FANCM: variants seen among roughly 807,000 people sequenced by gnomAD.
The protein encoded by FANCM is Fanconi anemia group M protein.
FANCM carries 140 observed loss-of-function variants against 199.5 expected under a neutral mutation model. The observed-to-expected ratio is 0.70, with a 90% CI of 0.61 to 0.81. The LOEUF (loss-of-function observed/expected upper bound fraction) is 0.81. Ranked by LOEUF, FANCM falls within the 30% of genes least tolerant of loss-of-function variation. The probability of loss-of-function intolerance (pLI) is 0.00; values close to 1 mark genes in which losing one functional copy is unlikely to be tolerated. For synonymous variants in FANCM, 840 were observed against 836.8 expected (o/e 1.00, Z -0.07); for missense variants, 2,410 against 2,421.4 (o/e 1.00, Z 0.10).
At chr14:45,138,260 A>T (rs1026918225) in intron 2 of FANCM, among the ~76,000 whole-genome samples, 1 of 152,188 alleles carries the variant, frequency 6.6e-6, no homozygotes, top group African/African-American at 2.4e-5. Flanking sequence ...ATTATAGAGC[A>T]AGAATAAAAG....
chr14:45,164,666 T>A, intron 10 of FANCM, 101 bp downstream of exon 10: 1 of 934,404 alleles, frequency 1.1e-6, no homozygotes, highest in Non-Finnish European at 1.7e-6. Flanking sequence ...AAACACTCTG[T>A]AGATAGTTTT....
chr14:45,191,117 C>G (rs1344180436), intron 20 of FANCM, among the ~76,000 whole-genome samples: 1 of 152,172 alleles, frequency 6.6e-6, no homozygotes, highest in Non-Finnish European at 1.5e-5. Context: ...GGTGTCCTTG[C>G]TTTTTCATAT....
chr14:45,198,438 G>T, intron 21 of FANCM: 1 of 434,478 alleles, frequency 2.3e-6, no homozygotes, highest in South Asian at 4.4e-5. Context: ...TTTCTACGTT[G>T]ATTCCAGCTC....
Position 45,144,312 on chromosome 14 carries a change from AC to A in FANCM, c.759+3609del, listed in dbSNP as rs377108603. ...TACCCATTAATGTAGTGTCCCCTCCACCCCCCTCGCCCACTACCCTTCCCAG... is the reference window on the plus strand; with the variant it reads ...TACCCATTAATGTAGTGTCCCCTCCACCCCCTCGCCCACTACCCTTCCCAG... On this transcript the variant is annotated intron_variant, in intron 3 of 22. Transcript: ENST00000267430. Among the ~76,000 whole-genome samples the A allele has an allele frequency of 3.8e-3, 466 of 123,850 alleles. 8 individuals are homozygous for A. The highest frequency in any genetic ancestry group is 0.014 in the African/African-American group (444 of 31,188). The allele number at this position is 123,850 out of a possible 152,430, so 81.3% of individuals were successfully genotyped here.
chr14:45,166,690 C>T (rs1323891742), intron 10 of FANCM, among the ~76,000 whole-genome samples: 4 of 151,206 alleles, frequency 2.6e-5, no homozygotes, highest in South Asian at 2.1e-4. Context: ...GTGGGAGGAT[C>T]GCTTGAGCCC....
chr14:45,171,464 C>T (rs948502562), intron 12 of FANCM, among the ~76,000 whole-genome samples: 9 of 151,776 alleles, frequency 5.9e-5, no homozygotes, highest in Non-Finnish European at 1.5e-5. Context: ...GTCTTTTATC[C>T]CTTGCCCCAC....
At chr14:45,194,871 G>A (rs1889972434) in intron 20 of FANCM, among the ~76,000 whole-genome samples, 1 of 151,112 alleles carries the variant, frequency 6.6e-6, no homozygotes, top group Non-Finnish European at 1.5e-5. Context: ...GAGTGCAGTG[G>A]CGTGATCTCG....
intron 1 of FANCM, 92 bp downstream of exon 1, chr14:45,136,631 C>A: frequency 1.6e-6 from 2 of 1,246,300 alleles, no homozygotes; most frequent in Non-Finnish European, 2.3e-6. Context: ...CATCTTACGC[C>A]CTCCCTCTTA....
Position 45,136,368 on chromosome 14 carries a change from A to G in FANCM, c.337A>G (p.Thr113Ala). Reference sequence around the variant, plus strand: ...TTGCAATACGCTGGTGTGTCTGCCTACCGGACTGGGAAAGACCTTTATTGC... The same window carrying G: ...TTGCAATACGCTGGTGTGTCTGCCTGCCGGACTGGGAAAGACCTTTATTGC... ...LFCNTLVCLP[T>A]GLGKTFIAAV... The change falls in exon 1 of 23, where the codon ACC becomes GCC. Residue 113 changes from threonine to alanine, a missense_variant. Thr to Ala is a moderately conservative substitution (Grantham distance 58). Coordinates refer to ENST00000267430, the MANE Select transcript of FANCM (RefSeq NM_020937.4). 6.2e-7 allele frequency: 1 copy of G among 1,614,156 alleles called. No homozygotes were observed. Among genetic ancestry groups the G allele is most frequent in the Non-Finnish European group, 8.5e-7 (1 of 1,180,030 alleles).
rs986973025 is a variant in FANCM at position 45,173,198 on chromosome 14, G to A, written c.2304G>A (p.Met768Ile). The A allele has an allele frequency of 6.2e-7, 1 of 1,613,696 alleles. No homozygotes were observed. Among genetic ancestry groups the A allele is most frequent in the Non-Finnish European group, 8.5e-7 (1 of 1,179,670 alleles). Residue 768 changes from methionine to isoleucine, a missense_variant, in exon 13 of 23, where the codon ATG becomes ATA. Physicochemically the swap from Met to Ile is conservative, Grantham distance 10. Coordinates refer to ENST00000267430, the MANE Select transcript of FANCM (RefSeq NM_020937.4). Reference protein sequence around the residue: ...FIGLMQMIEGMRHEEGECSYE... With the variant: ...FIGLMQMIEGIRHEEGECSYE... ...GCCTTATGCAAATGATAGAGGGAAT[G>A]AGACACGAAGAGGTGGGGTTTTATT... is the stretch of plus-strand genomic sequence containing the variant.
At position 45,161,303 on chromosome 14, in the gene FANCM, A is replaced by G. The variant is rs147911110; in HGVS notation, c.1581+2023A>G. On this transcript the variant is annotated intron_variant, in intron 9 of 22. Transcript: ENST00000267430. Reference sequence around the variant, plus strand: ...TTTATTTTGAAACGAGCTTGCAGGCAAATAATTGTACATTGTCCATTTATT... The same window carrying G: ...TTTATTTTGAAACGAGCTTGCAGGCGAATAATTGTACATTGTCCATTTATT... Among the ~76,000 whole-genome samples the G allele has an allele frequency of 3.9e-4, 59 of 152,360 alleles. No homozygotes were observed. In the East Asian group the frequency reaches 0.011, roughly 28 times the overall value.
At chr14:45,169,843 T>A (rs1594791004) in intron 11 of FANCM, among the ~76,000 whole-genome samples, 1 of 152,222 alleles carries the variant, frequency 6.6e-6, no homozygotes, top group Admixed American at 6.5e-5. Flanking sequence ...TACATATTTT[T>A]AAAAGTCTAT....
At chr14:45,160,652 C>T (rs1281399206) in intron 9 of FANCM, among the ~76,000 whole-genome samples, 1 of 151,914 alleles carries the variant, frequency 6.6e-6, no homozygotes, top group Admixed American at 6.6e-5. Context: ...TCACGCCATT[C>T]TCCTGTCTCA....
chr14:45,165,296 G>A lies in FANCM; in HGVS notation c.1788+731G>A, dbSNP rs112818606. Among the ~76,000 whole-genome samples the A allele has an allele frequency of 4.3e-3, 656 of 152,232 alleles. 5 individuals carry two copies. Among genetic ancestry groups the A allele is most frequent in the African/African-American group, 0.015 (614 of 41,556 alleles). On this transcript the variant is annotated intron_variant, in intron 10 of 22. Transcript: ENST00000267430. ...TTTTAGGCTGGACATGGTGGCTCAC[G>A]CCTGTAATCCCAGTACCTTTAGGAG... is the stretch of plus-strand genomic sequence containing the variant.
chr14:45,179,754 G>A (rs917314133), intron 14 of FANCM, among the ~76,000 whole-genome samples: 3 of 151,946 alleles, frequency 2.0e-5, no homozygotes, highest in South Asian at 2.1e-4. Flanking sequence ...TAGAGATGGG[G>A]TATCACCATA....
intron 4 of FANCM, among the ~76,000 whole-genome samples, chr14:45,150,660 G>A (rs1463193382): frequency 6.6e-6 from 1 of 152,074 alleles, no homozygotes; most frequent in Non-Finnish European, 1.5e-5. Context: ...GAACTCAAAT[G>A]TTCTCTTCTC....
chr14:45,184,211 G>A (rs1889246432), intron 17 of FANCM, among the ~76,000 whole-genome samples: 1 of 151,936 alleles, frequency 6.6e-6, no homozygotes, highest in Non-Finnish European at 1.5e-5. Context: ...TAAGATGTTT[G>A]CTTTTATGAT....
At chr14:45,195,433 A>G in intron 20 of FANCM, 1 of 422,134 alleles carries the variant, frequency 2.4e-6, no homozygotes, top group South Asian at 1.7e-5. Flanking sequence ...GAGTAGATTT[A>G]TTTTTTATTT....
In FANCM at chr14:45,173,205, G is replaced by A. The variant is rs760204880; in HGVS notation, c.2311G>A (p.Glu771Lys). The A allele has an allele frequency of 4.2e-5, 68 of 1,613,526 alleles. No individual in the cohort carries two copies. Among genetic ancestry groups the A allele is most frequent in the East Asian group, 1.3e-4 (6 of 44,832 alleles). ...GCAAATGATAGAGGGAATGAGACAC[G>A]AAGAGGTGGGGTTTTATTGTAACTT... is the stretch of plus-strand genomic sequence containing the variant. Reference protein sequence around the residue: ...LMQMIEGMRHEEGECSYELEV... With the variant: ...LMQMIEGMRHKEGECSYELEV... Residue 771 changes from glutamate to lysine, a missense_variant, in exon 13 of 23, where the codon GAA becomes AAA. Coordinates refer to ENST00000267430, the MANE Select transcript of FANCM (RefSeq NM_020937.4).
Sources: gnomAD v4.1 joint callset for allele counts (sites outside exome capture counted in the v4.1 genomes callset) on GRCh38, gnomAD v4.1.1 for gene constraint, MANE v1.5 for transcripts, NCBI Gene and HGNC (gene_info 2026-07-23, HGNC 2026-07-21) for gene names.